THSD7B: variants seen among roughly 807,000 people sequenced by gnomAD.
THSD7B encodes the protein thrombospondin type 1 domain containing 7B.
A neutral mutation model predicts 213.6 loss-of-function variants in THSD7B; 138 were observed. That is an observed-to-expected ratio of 0.65 (90% confidence interval 0.56 to 0.74). The LOEUF is 0.74. THSD7B is among the 30% of genes least tolerant of loss of function. The pLI is 0.00. For missense variants in THSD7B, 1,931 were observed against 1,991.5 expected (o/e 0.97, Z 0.58); for synonymous variants, 742 against 687.0 (o/e 1.08, Z -1.25).
At chr2:136,994,330 G>T (rs1393396109) in intron 2 of THSD7B, among the ~76,000 whole-genome samples, 2 of 152,162 alleles carry the variant, frequency 1.3e-5, no homozygotes, top group African/African-American at 4.8e-5. Flanking sequence ...AGTTTGGGAG[G>T]CTGAGGTGGG....
intron 20 of THSD7B, among the ~76,000 whole-genome samples, chr2:137,625,476 A>T (rs577368995): frequency 1.3e-4 from 20 of 149,016 alleles, no homozygotes; most frequent in East Asian, 7.9e-4. Context: ...AAGTATAATT[A>T]AAAAAAAAAA....
intron 1 of THSD7B, among the ~76,000 whole-genome samples, chr2:136,767,122 A>G (rs1472930378): frequency 6.6e-6 from 1 of 152,192 alleles, no homozygotes; most frequent in Non-Finnish European, 1.5e-5. Context: ...TCGAGTAACT[A>G]GGAGGAGGTA....
intron 5 of THSD7B, among the ~76,000 whole-genome samples, chr2:137,159,949 C>T (rs1679982808): frequency 6.6e-6 from 1 of 152,142 alleles, no homozygotes; most frequent in African/African-American, 2.4e-5. Context: ...ATTTCCAGTT[C>T]TCTCTTAGAT....
intron 15 of THSD7B, among the ~76,000 whole-genome samples, chr2:137,522,929 T>TC (rs1377794983): frequency 2.6e-5 from 4 of 152,256 alleles, no homozygotes; most frequent in African/African-American, 9.6e-5. Context: ...TGCATCTCAT[T>TC]CATCTTTAAA....
chr2:137,183,103 C>G (rs11888994), intron 7 of THSD7B, among the ~76,000 whole-genome samples: 1,821 of 152,156 alleles, frequency 0.012, 33 homozygotes, highest in African/African-American at 0.041. Flanking sequence ...AATTGATTAT[C>G]TCTCAGAGGC....
At chr2:137,598,744 A>G (rs1682014656) in intron 17 of THSD7B, among the ~76,000 whole-genome samples, 1 of 152,188 alleles carries the variant, frequency 6.6e-6, no homozygotes, top group Non-Finnish European at 1.5e-5. Flanking sequence ...ACTATACTCT[A>G]TCTAGGCCAA....
intron 7 of THSD7B, among the ~76,000 whole-genome samples, chr2:137,177,015 A>T (rs1180119365): frequency 6.6e-6 from 1 of 152,222 alleles, no homozygotes; most frequent in Non-Finnish European, 1.5e-5. Context: ...TTCCTATAGG[A>T]GATACAAAAT....
chr2:137,022,100 T>A (rs1416711273), intron 2 of THSD7B, among the ~76,000 whole-genome samples: 1 of 152,170 alleles, frequency 6.6e-6, no homozygotes, highest in African/African-American at 2.4e-5. Context: ...ATGAAAGACA[T>A]CTGTGTTTTT....
intron 12 of THSD7B, among the ~76,000 whole-genome samples, chr2:137,373,596 T>C (rs1685583299): frequency 2.0e-5 from 3 of 152,228 alleles, no homozygotes; most frequent in Admixed American, 6.5e-5. Flanking sequence ...TTCTGGATAT[T>C]AGCCCTTTCT....
At chr2:137,593,702 T>G (rs1015671611) in intron 17 of THSD7B, among the ~76,000 whole-genome samples, 1 of 152,016 alleles carries the variant, frequency 6.6e-6, no homozygotes, top group Admixed American at 6.6e-5. Flanking sequence ...ATTGTGAATA[T>G]TTTCCACAAT....
chr2:137,391,231 C>A (rs545761882), intron 12 of THSD7B, among the ~76,000 whole-genome samples: 15 of 152,100 alleles, frequency 9.9e-5, no homozygotes, highest in Non-Finnish European at 2.2e-4. Context: ...TCTCAGTTTT[C>A]TCATTTGTGA....
At chr2:137,321,292 C>T (rs947763150) in intron 12 of THSD7B, among the ~76,000 whole-genome samples, 13 of 152,044 alleles carry the variant, frequency 8.6e-5, no homozygotes, top group African/African-American at 1.9e-4. Flanking sequence ...TCTTTGAATA[C>T]CCTAGACCTA....
chr2:136,991,672 T>G (rs950543733), intron 2 of THSD7B, among the ~76,000 whole-genome samples: 1 of 152,202 alleles, frequency 6.6e-6, no homozygotes, highest in Non-Finnish European at 1.5e-5. Flanking sequence ...TTTCATATGC[T>G]GTATATTTAT....
Position 137,057,249 on chromosome 2 carries a change from T to C in THSD7B, c.950+19T>C, listed in dbSNP as rs747994330. 2.6e-6 allele frequency: 4 copies of C among 1,551,458 alleles called. No homozygotes were observed. The highest frequency in any genetic ancestry group is 1.2e-5 in the South Asian group (1 of 81,994). ...TGTTAAGGTAGGAGACCTTTGATGC[T>C]TGAATTTGATTCACCTAAAATATTT... On this transcript the variant is annotated intron_variant, in intron 3 of 27. Coordinates refer to ENST00000409968, the MANE Select transcript of THSD7B (RefSeq NM_001316349.2).
intron 1 of THSD7B, among the ~76,000 whole-genome samples, chr2:136,839,448 G>A (rs1451226804): frequency 6.6e-6 from 1 of 152,150 alleles, no homozygotes. Context: ...TAGAAATAGG[G>A]AATTTGTAGT....
At position 137,677,684 on chromosome 2, in the gene THSD7B, G is replaced by C. The variant is rs1337875304; in HGVS notation, c.*1079G>C. On this transcript the variant is annotated 3_prime_UTR_variant, in exon 28 of 28. Coordinates refer to ENST00000409968, the MANE Select transcript of THSD7B (RefSeq NM_001316349.2). ...AGGTGCCATCTTGTGGTATTGACTTGTATTTATAACAAATAAACTGCTCAA... is the reference window on the plus strand; with the variant it reads ...AGGTGCCATCTTGTGGTATTGACTTCTATTTATAACAAATAAACTGCTCAA... 1 of 152,618 alleles carries C rather than the reference G, an allele frequency of 6.6e-6. No homozygotes were observed. The highest frequency in any genetic ancestry group is 2.4e-5 in the African/African-American group (1 of 41,440). 9.5% of individuals were successfully genotyped at this position (152,618 alleles called of 1,614,324 possible).
chr2:137,359,270 G>A (rs1259086939), intron 12 of THSD7B, among the ~76,000 whole-genome samples: 1 of 152,208 alleles, frequency 6.6e-6, no homozygotes, highest in Non-Finnish European at 1.5e-5. Context: ...CCAGGAGCGA[G>A]GGCAAGCCAC....
chr2:137,388,966 C>A (rs1685954983), intron 12 of THSD7B, among the ~76,000 whole-genome samples: 1 of 151,746 alleles, frequency 6.6e-6, no homozygotes, highest in African/African-American at 2.4e-5. Flanking sequence ...AATATTGCTG[C>A]AATAAACATG....
chr2:137,575,395 G>T (rs1324759998), intron 17 of THSD7B, among the ~76,000 whole-genome samples: 2 of 151,878 alleles, frequency 1.3e-5, no homozygotes, highest in Non-Finnish European at 1.5e-5. Context: ...GTTATTACTT[G>T]ATCTTTTAGA....
Sources: allele counts gnomAD v4.1 joint callset (sites outside exome capture counted in the v4.1 genomes callset), GRCh38; gene constraint gnomAD v4.1.1; transcripts MANE v1.5; gene names NCBI Gene and HGNC (gene_info 2026-07-23, HGNC 2026-07-21).